Variants in SPEN observed in about 807,000 individuals in gnomAD.
SPEN encodes the protein spen family transcriptional repressor, also known as msx2-interacting protein.
A neutral mutation model predicts 269.9 loss-of-function variants in SPEN; 18 were observed. That is an observed-to-expected ratio of 0.07 (90% CI 0.05 to 0.10). The LOEUF (loss-of-function observed/expected upper bound fraction) is 0.10. Among genes scored for constraint, SPEN ranks in the 10% least tolerant of loss-of-function variants. The pLI is 1.00. For synonymous variants in SPEN, 1,726 were observed against 1,765.7 expected (o/e 0.98, Z 0.56); for missense variants, 3,822 against 4,631.2 (o/e 0.83, Z 5.07).
At position 15,876,679 on chromosome 1, in the gene SPEN, G is replaced by A; in HGVS notation, c.881+1G>A. The A allele has an allele frequency of 6.2e-7, 1 of 1,606,736 alleles. No homozygotes were observed. The stretch of plus-strand genomic sequence containing the variant: ...GCAGCAGTAGTACCAGCAGTGACAG[G>A]TAGGTTAACAGCCTTTTGTTATAAC... On this transcript the variant is annotated splice_donor_variant, in intron 3 of 14. Coordinates refer to ENST00000375759, the MANE Select transcript of SPEN (RefSeq NM_015001.3). LOFTEE classifies it high-confidence loss of function.
At chr1:15,887,381 C>T (rs1199035546) in intron 3 of SPEN, among the ~76,000 whole-genome samples, 4 of 149,166 alleles carry the variant, frequency 2.7e-5, no homozygotes, top group Non-Finnish European at 5.9e-5. Flanking sequence ...CCCGGGTTCA[C>T]GCCATTGTCC....
chr1:15,934,796 C>A lies in SPEN; in HGVS notation c.8556C>A (p.Ser2852=). The part of the protein sequence containing the change: ...AMDIEFQQSV[S]KSQVKPDSVT... The stretch of plus-strand genomic sequence containing the variant: ...ACATTGAATTTCAGCAGTCAGTGTC[C>A]AAGTCCCAGGTCAAACCTGATTCTG... The change falls in exon 11 of 15, where the codon TCC becomes TCA. Residue 2852 remains serine (S), a synonymous_variant. Coordinates refer to ENST00000375759, the MANE Select transcript of SPEN (RefSeq NM_015001.3). The surrounding 1 kb of genome is among the most constrained non-coding windows in gnomAD (Gnocchi z 9.2). The A allele has an allele frequency of 6.2e-7, 1 of 1,614,176 alleles. No homozygotes were observed. The highest frequency in any genetic ancestry group is 8.5e-7 in the Non-Finnish European group (1 of 1,180,024).
chr1:15,909,510 CTG>C, intron 4 of SPEN, 29 bp downstream of exon 4: 1 of 1,606,574 alleles, frequency 6.2e-7, no homozygotes, highest in Non-Finnish European at 8.5e-7. Flanking sequence ...GTCCTTTCCT[CTG>C]TGCTACTACT....
At chr1:15,885,766 G>T (rs1187794491) in intron 3 of SPEN, among the ~76,000 whole-genome samples, 1 of 152,168 alleles carries the variant, frequency 6.6e-6, no homozygotes, top group African/African-American at 2.4e-5. Flanking sequence ...TGGAATAAAT[G>T]TTCAGCAGTG....
chr1:15,911,029 A>C, intron 4 of SPEN, 72 bp from the exon 5 acceptor site: 1 of 1,282,132 alleles, frequency 7.8e-7, no homozygotes, highest in Non-Finnish European at 1.1e-6. Context: ...CAGGCTAAAG[A>C]TTTAGTAGGT....
At chr1:15,852,424 C>T (rs1462526357) in intron 1 of SPEN, among the ~76,000 whole-genome samples, 1 of 151,860 alleles carries the variant, frequency 6.6e-6, no homozygotes, top group Non-Finnish European at 1.5e-5. Context: ...TTAAAAATTA[C>T]ACAGAATAAT....
At chr1:15,905,527 T>G (rs2070947424) in intron 3 of SPEN, among the ~76,000 whole-genome samples, 3 of 151,874 alleles carry the variant, frequency 2.0e-5, no homozygotes, top group Admixed American at 2.0e-4. Context: ...TGGCCTTCAT[T>G]TTTATAATAC....
At chr1:15,912,406 A>T (rs1208983669) in intron 5 of SPEN, among the ~76,000 whole-genome samples, 1 of 152,254 alleles carries the variant, frequency 6.6e-6, no homozygotes, top group Non-Finnish European at 1.5e-5. Context: ...TATGAAGCTG[A>T]GACACTTGAA....
At chr1:15,853,862 T>A (rs1026801368) in intron 1 of SPEN, among the ~76,000 whole-genome samples, 1 of 152,094 alleles carries the variant, frequency 6.6e-6, no homozygotes, top group African/African-American at 2.4e-5. Context: ...AGAGACGGGG[T>A]TTCACTATGT....
In SPEN at chr1:15,935,331, C is replaced by T. The variant is rs1557762661; in HGVS notation, c.9091C>T (p.Pro3031Ser). Residue 3031 changes from proline to serine, a missense_variant, in exon 11 of 15, where the codon CCC becomes TCC. Pro to Ser is a moderately conservative substitution (Grantham distance 74). Around this residue, in one of 16 missense-constraint regions of SPEN, gnomAD observed 94 missense variants for 90.4 expected, o/e 1.04. Coordinates refer to ENST00000375759, the MANE Select transcript of SPEN (RefSeq NM_015001.3). The surrounding 1 kb of genome is among the most constrained non-coding windows in gnomAD (Gnocchi z 7.7). ...TGCTCATTCTCCTCGACCAAGTGGACCCGGGCCATCCTCATTCCCAAGGGC... is the reference window on the plus strand; with the variant it reads ...TGCTCATTCTCCTCGACCAAGTGGATCCGGGCCATCCTCATTCCCAAGGGC... The part of the protein sequence containing the change: ...LDAHSPRPSG[P>S]GPSSFPRASH... 1.2e-6 allele frequency: 2 copies of T among 1,614,006 alleles called. No homozygotes were observed. The highest frequency in any genetic ancestry group is 1.7e-5 in the Admixed American group (1 of 60,002).
In SPEN at chr1:15,929,654, T is replaced by C. The variant is rs750249240; in HGVS notation, c.3414T>C (p.Asp1138=). 3 of 1,614,154 alleles carry C rather than the reference T, an allele frequency of 1.9e-6. No individual in the cohort carries two copies. Among genetic ancestry groups the C allele is most frequent in the Middle Eastern group, 1.6e-4 (1 of 6,062 alleles). Residue 1138 remains aspartate, a synonymous_variant, in exon 11 of 15, where the codon GAT becomes GAC. Transcript: ENST00000375759. The surrounding 1 kb of genome is among the most constrained non-coding windows in gnomAD (Gnocchi z 5.8). ...GGAAAAACTATTGCAGTCTTCGTGA[T>C]GAAACACCTGAACGTAAATCAGGCC... ...DVRKNYCSLR[D]ETPERKSGQE...
chr1:15,908,170 G>A (rs561914424), intron 3 of SPEN, among the ~76,000 whole-genome samples: 114 of 151,864 alleles, frequency 7.5e-4, no homozygotes, highest in Non-Finnish European at 1.5e-3. Context: ...AGGTAGTAGT[G>A]CTACTACTAC....
At chr1:15,901,498 C>G (rs571015321) in intron 3 of SPEN, among the ~76,000 whole-genome samples, 2 of 151,416 alleles carry the variant, frequency 1.3e-5, no homozygotes, top group South Asian at 4.2e-4. Context: ...AAAAAAATAG[C>G]TGGGCGTGGT....
intron 3 of SPEN, among the ~76,000 whole-genome samples, chr1:15,901,914 TA>T (rs2070905031): frequency 6.8e-6 from 1 of 147,866 alleles, no homozygotes; most frequent in Admixed American, 6.9e-5. Flanking sequence ...TTTTATTTTT[TA>T]CTTATTTATT....
intron 1 of SPEN, among the ~76,000 whole-genome samples, chr1:15,852,355 A>C (rs925304712): frequency 3.9e-5 from 6 of 152,192 alleles, no homozygotes; most frequent in African/African-American, 1.4e-4. Flanking sequence ...ATCTATTTGC[A>C]TGATAGGCTT....
chr1:15,850,281 A>T (rs532591857), intron 1 of SPEN, among the ~76,000 whole-genome samples: 1 of 152,220 alleles, frequency 6.6e-6, no homozygotes, highest in Non-Finnish European at 1.5e-5. Flanking sequence ...CAGTTTGCTC[A>T]CGACTGCATT....
chr1:15,936,365 G>T, intron 11 of SPEN, 99 bp downstream of exon 11: 1 of 1,421,022 alleles, frequency 7.0e-7, no homozygotes, highest in Non-Finnish European at 9.2e-7. Flanking sequence ...CAGGGGCCAG[G>T]TGTGGTGGCT....
rs765359153 is a variant in SPEN, at chr1:15,936,175, G to A, written c.9935G>A (p.Arg3312His). ...CAAGAGTACCGGTACGGCGACATCC[G>A]CACCTACCACCCCCCGGCCCAGCTC... ...LFQEYRYGDI[R>H]TYHPPAQLTH... Residue 3312 changes from arginine (R) to histidine (H), a missense_variant, in exon 11 of 15, where the codon CGC becomes CAC. Physicochemically the swap from Arg to His is conservative, Grantham distance 29. This residue lies in a region of SPEN where 359 missense variants were observed against 377.3 expected (regional missense o/e 0.95). Transcript: ENST00000375759. 1.8e-5 allele frequency: 29 copies of A among 1,604,006 alleles called. No individual in the cohort carries two copies. Among genetic ancestry groups the A allele is most frequent in the Middle Eastern group, 1.7e-4 (1 of 6,050 alleles).
intron 3 of SPEN, among the ~76,000 whole-genome samples, chr1:15,900,441 A>G (rs2070888899): frequency 6.6e-6 from 1 of 152,192 alleles, no homozygotes. Context: ...ACTTGTTTAA[A>G]AATTATAAAA....
Sources: allele counts gnomAD v4.1 joint callset (sites outside exome capture counted in the v4.1 genomes callset), GRCh38; gene constraint gnomAD v4.1.1; regional missense constraint gnomAD v4.1.1; non-coding constraint Gnocchi (gnomAD v3.1); transcripts MANE v1.5; gene names NCBI Gene and HGNC (gene_info 2026-07-23, HGNC 2026-07-21).